The following GALNT17 variants were observed in gnomAD, a reference collection of about 807,000 sequenced individuals.
GALNT17 encodes UDP-GalNAc:polypeptide N-acetylgalactosaminyltransferase-like 3.
GALNT17 carries 29 observed loss-of-function variants against 63.7 expected under a neutral mutation model. That is an observed-to-expected ratio of 0.46 (90% CI 0.34 to 0.62). GALNT17 has a LOEUF of 0.62. GALNT17 is among the 20% of genes least tolerant of loss of function. GALNT17 has a pLI of 0.01. For synonymous variants in GALNT17, 305 were observed against 318.3 expected, an observed-to-expected ratio of 0.96 and a Z score of 0.45; for missense variants, 603 against 799.6, an observed-to-expected ratio of 0.75 and a Z score of 2.97.
At chr7:71,321,937 C>T (rs1210529582) in intron 1 of GALNT17, among the ~76,000 whole-genome samples, 3 of 83,668 alleles carry the variant, frequency 3.6e-5, no homozygotes, top group African/African-American at 4.5e-5. Context: ...CCCTCCCTCC[C>T]TCCCTCCCTT....
chr7:71,456,786 A>C (rs777035994), intron 5 of GALNT17, among the ~76,000 whole-genome samples: 49 of 152,190 alleles, frequency 3.2e-4, no homozygotes, highest in South Asian at 6.2e-4. Context: ...GGTTCAGGAC[A>C]CACCTGTGAC....
chr7:71,476,634 T>C (rs1787727501), intron 5 of GALNT17, among the ~76,000 whole-genome samples: 1 of 152,094 alleles, frequency 6.6e-6, no homozygotes, highest in African/African-American at 2.4e-5. Context: ...GATTTTGTCA[T>C]CCAGGGGATA....
intron 1 of GALNT17, among the ~76,000 whole-genome samples, chr7:71,285,072 A>C (rs1583828172): frequency 6.6e-6 from 1 of 152,338 alleles, no homozygotes; most frequent in South Asian, 2.1e-4. Flanking sequence ...ATTTTGGATG[A>C]GAAAAGAAAT....
intron 6 of GALNT17, among the ~76,000 whole-genome samples, chr7:71,579,325 G>T (rs1312456824): frequency 6.6e-6 from 1 of 152,186 alleles, no homozygotes; most frequent in Non-Finnish European, 1.5e-5. Context: ...TGGAAACTTG[G>T]TGAGTGCCTT....
intron 1 of GALNT17, among the ~76,000 whole-genome samples, chr7:71,167,802 G>A (rs1788469869): frequency 6.6e-6 from 1 of 152,140 alleles, no homozygotes; most frequent in South Asian, 2.1e-4. Context: ...CGATTCTTGT[G>A]CCTCAGCCTC....
chr7:71,688,579 A>G (rs1405164962), intron 9 of GALNT17, among the ~76,000 whole-genome samples: 1 of 152,220 alleles, frequency 6.6e-6, no homozygotes, highest in African/African-American at 2.4e-5. Context: ...CGTGCAGAGC[A>G]CAGGAAGGCT....
At chr7:71,182,057 C>G (rs1788745301) in intron 1 of GALNT17, among the ~76,000 whole-genome samples, 1 of 152,186 alleles carries the variant, frequency 6.6e-6, no homozygotes, top group Non-Finnish European at 1.5e-5. Flanking sequence ...TGCCTGTAGT[C>G]TCAGCTACTC....
intron 5 of GALNT17, among the ~76,000 whole-genome samples, chr7:71,424,288 G>A (rs1786719671): frequency 6.6e-6 from 1 of 152,180 alleles, no homozygotes; most frequent in Non-Finnish European, 1.5e-5. Flanking sequence ...TTCATGTGTT[G>A]GCTGAAAGAT....
chr7:71,392,912 G>A (rs999442511), intron 3 of GALNT17, among the ~76,000 whole-genome samples: 1 of 151,984 alleles, frequency 6.6e-6, no homozygotes, highest in African/African-American at 2.4e-5. Context: ...TGGTATTATC[G>A]AGTTTTGTAA....
chr7:71,303,343 T>G (rs2115892631), intron 1 of GALNT17, among the ~76,000 whole-genome samples: 1 of 152,228 alleles, frequency 6.6e-6, no homozygotes, highest in East Asian at 1.9e-4. Context: ...TTTGTAGAGA[T>G]GGGATCTCGC....
chr7:71,225,785 T>C (rs903932157), intron 1 of GALNT17, among the ~76,000 whole-genome samples: 1 of 152,158 alleles, frequency 6.6e-6, no homozygotes, highest in Non-Finnish European at 1.5e-5. Flanking sequence ...TGAGCAATAA[T>C]GGGCAATTGA....
chr7:71,303,147 G>C (rs532680643), intron 1 of GALNT17, among the ~76,000 whole-genome samples: 73 of 136,588 alleles, frequency 5.3e-4, no homozygotes, highest in Non-Finnish European at 7.7e-4. Context: ...ACAGGCATGA[G>C]CCACTGCACC....
intron 1 of GALNT17, among the ~76,000 whole-genome samples, chr7:71,177,335 G>A (rs563667631): frequency 2.5e-4 from 38 of 152,098 alleles, no homozygotes; most frequent in Non-Finnish European, 4.7e-4. Flanking sequence ...CCTGCTCCCC[G>A]GGAACCCCAT....
intron 9 of GALNT17, among the ~76,000 whole-genome samples, chr7:71,696,886 T>C (rs1201854082): frequency 6.6e-6 from 1 of 152,174 alleles, no homozygotes; most frequent in Admixed American, 6.6e-5. Context: ...AAAATGGGTA[T>C]AATGCTGCTA....
At chr7:71,293,477 C>G (rs752341542) in intron 1 of GALNT17, among the ~76,000 whole-genome samples, 1 of 152,086 alleles carries the variant, frequency 6.6e-6, no homozygotes, top group African/African-American at 2.4e-5. Flanking sequence ...TTTCATATAT[C>G]CATTGGCCAT....
At chr7:71,688,748 A>C (rs937600923) in intron 9 of GALNT17, among the ~76,000 whole-genome samples, 3 of 152,136 alleles carry the variant, frequency 2.0e-5, no homozygotes, top group African/African-American at 7.2e-5. Flanking sequence ...AAACAACTCT[A>C]TATCTGTTCC....
chr7:71,448,952 C>G (rs116952956), intron 5 of GALNT17, among the ~76,000 whole-genome samples: 2,841 of 151,974 alleles, frequency 0.019, 40 homozygotes, highest in African/African-American at 0.029. Flanking sequence ...TTCTAGGACA[C>G]TGGTTATCTT....
At chr7:71,435,565 G>A (rs889417361) in intron 5 of GALNT17, among the ~76,000 whole-genome samples, 2 of 152,116 alleles carry the variant, frequency 1.3e-5, no homozygotes, top group Non-Finnish European at 2.9e-5. Flanking sequence ...ATCAGCTGGT[G>A]CCACCCAGAT....
intron 9 of GALNT17, among the ~76,000 whole-genome samples, chr7:71,692,903 T>C (rs1485350115): frequency 2.0e-5 from 3 of 151,570 alleles, no homozygotes; most frequent in African/African-American, 7.3e-5. Context: ...CACACTCAGC[T>C]AATTTTTGAA....
Sources: allele counts gnomAD v4.1 joint callset (sites outside exome capture counted in the v4.1 genomes callset), GRCh38; gene constraint gnomAD v4.1.1; transcripts MANE v1.5; gene names NCBI Gene and HGNC (gene_info 2026-07-23, HGNC 2026-07-21).